The following TMEM132D variants were observed in gnomAD, a reference collection of about 807,000 sequenced individuals.
The protein encoded by TMEM132D is mature OL transmembrane protein.
Under a neutral mutation model 62.3 loss-of-function variants are expected in TMEM132D, and 21 were observed. That is an observed-to-expected ratio of 0.34 (90% CI 0.24 to 0.49). TMEM132D has a LOEUF of 0.49. Among genes scored for constraint, TMEM132D ranks in the 20% least tolerant of loss-of-function variants. The probability of loss-of-function intolerance (pLI) is 0.99; values close to 1 mark genes in which losing one functional copy is unlikely to be tolerated. For missense variants in TMEM132D, 1,346 were observed against 1,402.8 expected (o/e 0.96, Z 0.65); for synonymous variants, 621 against 575.6 (o/e 1.08, Z -1.13).
chr12:129,718,215 T>C (rs115110009), intron 1 of TMEM132D, among the ~76,000 whole-genome samples: 209 of 152,256 alleles, frequency 1.4e-3, no homozygotes, highest in African/African-American at 4.5e-3. Flanking sequence ...ATTAAGCCAA[T>C]TGCAGTGGTC....
chr12:129,815,313 G>C (rs1399304314), intron 1 of TMEM132D, among the ~76,000 whole-genome samples: 2 of 152,174 alleles, frequency 1.3e-5, no homozygotes, highest in Non-Finnish European at 1.5e-5. Context: ...TTTCAAAATA[G>C]TGTACATGTG....
chr12:129,128,453 G>T (rs983972534), intron 5 of TMEM132D, among the ~76,000 whole-genome samples: 4 of 152,108 alleles, frequency 2.6e-5, no homozygotes, highest in Non-Finnish European at 1.5e-5. Flanking sequence ...GACTGGGGAA[G>T]GGCCCCACTT....
chr12:129,676,234 G>C (rs1197899104), intron 2 of TMEM132D, among the ~76,000 whole-genome samples: 4 of 152,160 alleles, frequency 2.6e-5, no homozygotes, highest in Non-Finnish European at 5.9e-5. Context: ...AATGCTACTT[G>C]AGATGTAGTA....
At chr12:129,186,540 G>T (rs1878227502) in intron 5 of TMEM132D, among the ~76,000 whole-genome samples, 1 of 152,108 alleles carries the variant, frequency 6.6e-6, no homozygotes, top group Non-Finnish European at 1.5e-5. Context: ...TTTGCCTCCT[G>T]GGTCATCAAG....
intron 2 of TMEM132D, 35 bp downstream of exon 2, chr12:129,699,775 G>T (rs1315158290): frequency 2.5e-6 from 4 of 1,599,586 alleles, no homozygotes; most frequent in East Asian, 4.5e-5. Context: ...CCTGATCGAC[G>T]GGCGGGTACA....
chr12:129,458,921 G>A (rs986385995), intron 3 of TMEM132D, among the ~76,000 whole-genome samples: 2 of 152,104 alleles, frequency 1.3e-5, no homozygotes, highest in African/African-American at 2.4e-5. Flanking sequence ...AGAAACCTCA[G>A]TCTCCACTCT....
chr12:129,082,104 G>T, intron 6 of TMEM132D, 72 bp from the exon 7 acceptor site: 1 of 1,520,920 alleles, frequency 6.6e-7, no homozygotes, highest in South Asian at 1.3e-5. Context: ...TGTGGAGCCT[G>T]GTGGGGGCTG....
intron 3 of TMEM132D, among the ~76,000 whole-genome samples, chr12:129,379,437 T>C (rs577140032): frequency 6.6e-6 from 1 of 152,330 alleles, no homozygotes; most frequent in Non-Finnish European, 1.5e-5. Context: ...GAAACACAAC[T>C]GTTGAGCTAT....
rs549190418 is a variant in TMEM132D, at chr12:129,603,906, C to G, written c.969-72701G>C. Among the ~76,000 whole-genome samples, 10 of 152,278 alleles carry G rather than the reference C, an allele frequency of 6.6e-5. No individual in the cohort carries two copies. The East Asian group carries it at 1.7e-3, about 26-fold the overall frequency. On this transcript the variant is annotated intron_variant, in intron 2 of 8. Transcript: ENST00000422113. ...GCAGCACTATTTACAATAGCAAAGACTTGGAACCAACCCAAATGCCCATCA... is the reference window on the plus strand; with the variant it reads ...GCAGCACTATTTACAATAGCAAAGAGTTGGAACCAACCCAAATGCCCATCA...
At chr12:129,657,409 C>T (rs906329698) in intron 2 of TMEM132D, among the ~76,000 whole-genome samples, 1 of 151,948 alleles carries the variant, frequency 6.6e-6, no homozygotes, top group Non-Finnish European at 1.5e-5. Flanking sequence ...GGGCTGATCT[C>T]ACATTTCCAC....
intron 1 of TMEM132D, among the ~76,000 whole-genome samples, chr12:129,794,800 TCTG>T (rs1450499070): frequency 6.6e-6 from 1 of 152,192 alleles, no homozygotes; most frequent in African/African-American, 2.4e-5. Flanking sequence ...TTATTGTGGC[TCTG>T]CTGATGTTTG....
At chr12:129,354,918 C>T (rs897510195) in intron 3 of TMEM132D, among the ~76,000 whole-genome samples, 14 of 152,204 alleles carry the variant, frequency 9.2e-5, no homozygotes, top group African/African-American at 3.4e-4. Flanking sequence ...ACTGAAGCAC[C>T]TTTCCATCCC....
chr12:129,393,799 G>C (rs1208530394), intron 3 of TMEM132D, among the ~76,000 whole-genome samples: 1 of 152,106 alleles, frequency 6.6e-6, no homozygotes, highest in African/African-American at 2.4e-5. Flanking sequence ...ACTCAGAAAT[G>C]CCCATCAAAA....
At chr12:129,899,449 AGATGGACTGGTG>A (rs1468070192) in intron 1 of TMEM132D, among the ~76,000 whole-genome samples, 24 of 148,136 alleles carry the variant, frequency 1.6e-4, no homozygotes, top group African/African-American at 5.1e-4. Flanking sequence ...GTGGATGGGT[AGATGGACTGGTG>A]GATGGACTGG....
intron 1 of TMEM132D, among the ~76,000 whole-genome samples, chr12:129,775,453 G>A (rs77046842): frequency 0.012 from 1,810 of 152,266 alleles, 32 homozygotes; most frequent in African/African-American, 0.041. Flanking sequence ...CAAGCTGCCA[G>A]AGAAAAGTAC....
intron 2 of TMEM132D, among the ~76,000 whole-genome samples, chr12:129,595,799 A>G (rs1321012642): frequency 6.6e-6 from 1 of 151,722 alleles, no homozygotes; most frequent in East Asian, 1.9e-4. Flanking sequence ...GGGCCAGAAG[A>G]GCCACCTCAC....
At chr12:129,549,586 A>T (rs1345798708) in intron 2 of TMEM132D, among the ~76,000 whole-genome samples, 1 of 152,202 alleles carries the variant, frequency 6.6e-6, no homozygotes, top group Non-Finnish European at 1.5e-5. Context: ...CTCCCCAGCC[A>T]TGTGGAACTG....
At chr12:129,847,431 T>A (rs1388833592) in intron 1 of TMEM132D, among the ~76,000 whole-genome samples, 1 of 152,150 alleles carries the variant, frequency 6.6e-6, no homozygotes, top group Non-Finnish European at 1.5e-5. Context: ...TTCTCCAGGT[T>A]TTTACCCTCA....
Position 129,770,665 on chromosome 12 carries a change from C to T in TMEM132D, c.80-69967G>A, listed in dbSNP as rs75675020. ...AAATGCACTTGATACACCTAACCTA[C>T]GGAACATCACAGCTCAGCCTAGCTT... is the stretch of plus-strand genomic sequence containing the variant. On this transcript the variant is annotated intron_variant, in intron 1 of 8. Transcript: ENST00000422113. 1.9e-3 allele frequency among the ~76,000 whole-genome samples: 294 copies of T among 152,238 alleles called. 3 individuals carry two copies. The highest frequency in any genetic ancestry group is 6.6e-3 in the African/African-American group (274 of 41,532).
Sources: gnomAD v4.1 joint callset for allele counts (sites outside exome capture counted in the v4.1 genomes callset) on GRCh38, gnomAD v4.1.1 for gene constraint, MANE v1.5 for transcripts, NCBI Gene and HGNC (gene_info 2026-07-23, HGNC 2026-07-21) for gene names.